FRRS1: variants seen among roughly 807,000 people sequenced by gnomAD.
FRRS1 encodes the protein ferric reductase 1.
FRRS1 carries 51 observed loss-of-function variants against 70.7 expected under a neutral mutation model. The ratio of observed to expected loss-of-function variants is 0.72; its 90% CI spans 0.58 to 0.91. FRRS1 has a LOEUF of 0.91. Ranked by LOEUF, FRRS1 falls within the 40% of genes least tolerant of loss-of-function variation. The pLI is 0.00. For synonymous variants in FRRS1, 225 were observed against 238.7 expected (o/e 0.94, Z 0.53); for missense variants, 672 against 726.0 (o/e 0.93, Z 0.86).
chr1:99,728,384 G>A (rs1434157065), intron 9 of FRRS1, 109 bp downstream of exon 9: 5 of 928,736 alleles, frequency 5.4e-6, no homozygotes, highest in African/African-American at 3.3e-5. Flanking sequence ...TTATAGGAAA[G>A]CGTGTGCCTT....
rs544094422 is a variant in FRRS1 at position 99,765,005 on chromosome 1, C to T, written c.-106+1602G>A. On this transcript the variant is annotated intron_variant, in intron 1 of 16. Coordinates refer to ENST00000646001, the MANE Select transcript of FRRS1 (RefSeq NM_001361041.2). ...TCTGGATATCAGTAAAGGTGTCCTA[C>T]ACATTGATCTCCATTCATTCTGACT... 4.6e-5 allele frequency among the ~76,000 whole-genome samples: 7 copies of T among 152,330 alleles called. No homozygotes were observed. The East Asian group carries it at 1.3e-3, about 29-fold the overall frequency.
At chr1:99,728,753 G>GCACATA in intron 8 of FRRS1, 113 bp from the exon 9 acceptor site, 1 of 717,418 alleles carries the variant, frequency 1.4e-6, no homozygotes, top group Non-Finnish European at 2.2e-6. Flanking sequence ...GTATGTCCAT[G>GCACATA]CTTTGTCTGC....
In FRRS1 at chr1:99,705,411, A is replaced by G. The variant is rs1654010573; in HGVS notation, c.*3617T>C. Reference sequence around the variant, plus strand: ...CTAATCTGATTTAAAAAGGACTCTTAGAAGAATCTTTCCTTTCATTCCAAC... The same window carrying G: ...CTAATCTGATTTAAAAAGGACTCTTGGAAGAATCTTTCCTTTCATTCCAAC... On this transcript the variant is annotated 3_prime_UTR_variant, in exon 17 of 17. Coordinates refer to ENST00000646001, the MANE Select transcript of FRRS1 (RefSeq NM_001361041.2). 1.3e-5 allele frequency among the ~76,000 whole-genome samples: 2 copies of G among 152,238 alleles called. No individual in the cohort carries two copies. Among genetic ancestry groups the G allele is most frequent in the African/African-American group, 4.8e-5 (2 of 41,464 alleles).
intron 4 of FRRS1, among the ~76,000 whole-genome samples, chr1:99,743,399 C>G (rs1292231606): frequency 6.6e-6 from 1 of 151,932 alleles, no homozygotes; most frequent in Non-Finnish European, 1.5e-5. Flanking sequence ...ATTAGAAAAG[C>G]GTTTGGAGGT....
chr1:99,716,993 CT>C (rs1287263109), intron 11 of FRRS1, among the ~76,000 whole-genome samples: 2 of 152,128 alleles, frequency 1.3e-5, no homozygotes, highest in African/African-American at 4.8e-5. Context: ...AGGAGTGACC[CT>C]TGCTTTGAAA....
intron 1 of FRRS1, among the ~76,000 whole-genome samples, chr1:99,750,263 C>G (rs1055821218): frequency 3.3e-5 from 5 of 152,188 alleles, no homozygotes; most frequent in African/African-American, 1.2e-4. Context: ...AGTTCTCCTC[C>G]TCCCTCTCCT....
At chr1:99,758,260 A>C (rs1460691826) in intron 1 of FRRS1, among the ~76,000 whole-genome samples, 1 of 152,258 alleles carries the variant, frequency 6.6e-6, no homozygotes, top group Non-Finnish European at 1.5e-5. Flanking sequence ...TGCATGACTC[A>C]GCTTTCAGCT....
At chr1:99,712,380 A>T (rs774037522) in intron 13 of FRRS1, 38 bp downstream of exon 13, 10 of 1,361,472 alleles carry the variant, frequency 7.3e-6, no homozygotes, top group Non-Finnish European at 1.0e-5. Flanking sequence ...AATGATATCT[A>T]CATTAAGAGA....
chr1:99,717,303 C>T (rs1654576632), intron 11 of FRRS1, 107 bp downstream of exon 11: 1 of 768,114 alleles, frequency 1.3e-6, no homozygotes, highest in Non-Finnish European at 2.3e-6. Flanking sequence ...CCCAAACCTA[C>T]AACTGCAACC....
In FRRS1 at chr1:99,710,944, C is replaced by G. The variant is rs1654244720; in HGVS notation, c.1486G>C (p.Ala496Pro). 6.2e-7 allele frequency: 1 copy of G among 1,612,938 alleles called. No individual in the cohort carries two copies. The highest frequency in any genetic ancestry group is 1.1e-5 in the South Asian group (1 of 90,878). The change falls in exon 15 of 17, where the codon GCG becomes CCG. Residue 496 changes from alanine (A) to proline (P), a missense_variant. Physicochemically the swap from Ala to Pro is conservative, Grantham distance 27. Coordinates refer to ENST00000646001, the MANE Select transcript of FRRS1 (RefSeq NM_001361041.2). ...GGTAAATCCATTCCCAGGAACATCG[C>G]TGCCACTACATACAAAAGAAAAAAG... ...GTAARIIAVAAMFLGMDLPGL... is the reference protein window; with the variant it reads ...GTAARIIAVAPMFLGMDLPGL...
chr1:99,719,877 A>G (rs1045992232), intron 9 of FRRS1, among the ~76,000 whole-genome samples: 4 of 152,362 alleles, frequency 2.6e-5, no homozygotes, highest in East Asian at 1.9e-4. Flanking sequence ...ATGAATTAAA[A>G]TGACAACTAG....
chr1:99,713,261 A>C (rs1654361672), intron 12 of FRRS1, among the ~76,000 whole-genome samples: 1 of 152,214 alleles, frequency 6.6e-6, no homozygotes, highest in Non-Finnish European at 1.5e-5. Flanking sequence ...CCAGGTAATA[A>C]GTCATGGTGC....
chr1:99,738,744 G>C (rs541127698), intron 6 of FRRS1, among the ~76,000 whole-genome samples: 45 of 152,274 alleles, frequency 3.0e-4, no homozygotes, highest in South Asian at 6.2e-4. Flanking sequence ...ATTATATTTA[G>C]GTTGTGGATT....
chr1:99,716,382 G>GATTTGA (rs1368321994), intron 11 of FRRS1, among the ~76,000 whole-genome samples: 1 of 152,208 alleles, frequency 6.6e-6, no homozygotes, highest in East Asian at 1.9e-4. Context: ...GGCAGTGGAG[G>GATTTGA]ATTTGAGTTG....
chr1:99,751,090 A>T (rs952722678), intron 1 of FRRS1, among the ~76,000 whole-genome samples: 3 of 152,180 alleles, frequency 2.0e-5, no homozygotes, highest in Non-Finnish European at 2.9e-5. Flanking sequence ...TAAATAGAAT[A>T]AAAAAGCAGA....
chr1:99,764,360 T>C (rs1444664225), intron 1 of FRRS1, among the ~76,000 whole-genome samples: 2 of 152,212 alleles, frequency 1.3e-5, no homozygotes, highest in African/African-American at 4.8e-5. Flanking sequence ...TGGGCTTCCT[T>C]TCTTTAATGC....
rs376478764 is a variant in FRRS1 at position 99,719,563 on chromosome 1, G to T, written c.1091C>A (p.Ser364Tyr). 6.1e-5 allele frequency: 98 copies of T among 1,601,260 alleles called. No individual in the cohort carries two copies. The highest frequency in any genetic ancestry group is 8.3e-5 in the Admixed American group (5 of 59,894). ...AACCTTCAGAAGGAGTACAGAATGG[G>T]ATCCTCCTATGTTCTTTGGAGAGTC... ...VTDSPKNIGGSHSVLLLKVHG... is the reference protein window; with the variant it reads ...VTDSPKNIGGYHSVLLLKVHG... The change falls in exon 10 of 17, where the codon TCC (serine) becomes TAC (tyrosine). Residue 364 changes from serine (S) to tyrosine (Y), a missense_variant. Physicochemically the swap from Ser to Tyr is moderately radical, Grantham distance 144. Coordinates refer to ENST00000646001, the MANE Select transcript of FRRS1 (RefSeq NM_001361041.2).
intron 9 of FRRS1, among the ~76,000 whole-genome samples, chr1:99,726,689 T>TTTCC (rs1655091832): frequency 1.3e-5 from 2 of 152,194 alleles, no homozygotes; most frequent in Non-Finnish European, 2.9e-5. Flanking sequence ...TCATTAAAAA[T>TTTCC]TAATTCCCTA....
intron 4 of FRRS1, 115 bp downstream of exon 4, chr1:99,747,179 T>C: frequency 1.4e-6 from 1 of 702,488 alleles, no homozygotes; most frequent in Non-Finnish European, 2.4e-6. Flanking sequence ...CAATAGGCTA[T>C]TTGTAGTTAA....
Sources: gnomAD v4.1 joint callset for allele counts (sites outside exome capture counted in the v4.1 genomes callset) on GRCh38, gnomAD v4.1.1 for gene constraint, MANE v1.5 for transcripts, NCBI Gene and HGNC (gene_info 2026-07-23, HGNC 2026-07-21) for gene names.